TRAK2: variants seen among roughly 807,000 people sequenced by gnomAD.
TRAK2 encodes the protein trafficking kinesin protein 2, also known as trafficking kinesin-binding protein 2.
TRAK2 carries 81 observed loss-of-function variants against 104.6 expected under a neutral mutation model. That is an observed-to-expected ratio of 0.77 (90% CI 0.65 to 0.93). The LOEUF is 0.93. Ranked by LOEUF, TRAK2 falls within the 40% of genes least tolerant of loss-of-function variation. The pLI is 0.00. For missense variants in TRAK2, 1,002 were observed against 1,089.0 expected (o/e 0.92, Z 1.12); for synonymous variants, 406 against 394.4 (o/e 1.03, Z -0.35).
chr2:201,409,625 T>C (rs1195038823), intron 2 of TRAK2, among the ~76,000 whole-genome samples: 1 of 152,212 alleles, frequency 6.6e-6, no homozygotes, highest in Admixed American at 6.5e-5. Flanking sequence ...GCCAACGAAA[T>C]GTAGGTCAAG....
At chr2:201,412,065 G>T in intron 2 of TRAK2, 1 of 1,117,024 alleles carries the variant, frequency 9.0e-7, no homozygotes, top group Non-Finnish European at 1.4e-6. Context: ...ATTGGCTCCT[G>T]CTGCTTAAAC....
chr2:201,421,502 C>T (rs947603322), intron 1 of TRAK2, among the ~76,000 whole-genome samples: 2 of 152,172 alleles, frequency 1.3e-5, no homozygotes, highest in South Asian at 2.1e-4. Context: ...CCAGCAGAAT[C>T]GCTTCCCCAG....
At chr2:201,400,923 G>A (rs940223628) in intron 4 of TRAK2, 95 bp downstream of exon 4, 32 of 906,702 alleles carry the variant, frequency 3.5e-5, no homozygotes, top group Admixed American at 1.1e-4. Context: ...CCCAGAGCAC[G>A]TACAACATTT....
intron 1 of TRAK2, among the ~76,000 whole-genome samples, chr2:201,421,695 A>T (rs1308204101): frequency 3.3e-5 from 5 of 152,206 alleles, no homozygotes; most frequent in African/African-American, 1.2e-4. Context: ...CATTAGTTTT[A>T]TTATATTCTT....
chr2:201,420,302 C>G (rs1951728540), intron 2 of TRAK2, 115 bp downstream of exon 2: 2 of 796,596 alleles, frequency 2.5e-6, no homozygotes, highest in Admixed American at 4.3e-5. Flanking sequence ...CTGAGGACAT[C>G]AGACTAGAAA....
chr2:201,396,069 C>T (rs1055775354), intron 7 of TRAK2, among the ~76,000 whole-genome samples: 14 of 152,088 alleles, frequency 9.2e-5, no homozygotes, highest in African/African-American at 3.4e-4. Context: ...TTTAGAATTC[C>T]ACTAGGAATT....
At chr2:201,402,056 TAATA>T in intron 3 of TRAK2, among the ~76,000 whole-genome samples, 2 of 152,196 alleles carry the variant, frequency 1.3e-5, no homozygotes, top group Middle Eastern at 6.8e-3. Context: ...GAGATTCAGA[TAATA>T]AATATGGAGG....
intron 5 of TRAK2, among the ~76,000 whole-genome samples, chr2:201,398,978 T>C (rs1222925229): frequency 6.6e-6 from 1 of 152,110 alleles, no homozygotes; most frequent in Non-Finnish European, 1.5e-5. Flanking sequence ...ATAGAATAAA[T>C]ATATTTTCAA....
rs959678806 is a variant in TRAK2 at position 201,441,991 on chromosome 2, C to T, written c.-200+9359G>A. On this transcript the variant is annotated intron_variant, in intron 1 of 15. Transcript: ENST00000332624. ...ACAGGTGTGAGCCACTGTGCCCGGC[C>T]GATGGTGTGCTCTTTCTAAACCAAC... 1.6e-4 allele frequency among the ~76,000 whole-genome samples: 24 copies of T among 151,582 alleles called. 1 individual carries two copies. Among genetic ancestry groups the T allele is most frequent in the African/African-American group, 5.8e-4 (24 of 41,364 alleles).
chr2:201,444,195 T>C (rs1156591097), intron 1 of TRAK2, among the ~76,000 whole-genome samples: 2 of 151,812 alleles, frequency 1.3e-5, no homozygotes, highest in Non-Finnish European at 2.9e-5. Context: ...AGTGAGACTC[T>C]GTCTCAAAAA....
chr2:201,413,019 G>A (rs1216798169), intron 2 of TRAK2: 1 of 777,138 alleles, frequency 1.3e-6, no homozygotes, highest in Non-Finnish European at 2.4e-6. Flanking sequence ...AGAAGTCGAG[G>A]GTGTTGAAGT....
At chr2:201,394,096 T>C (rs1381137271) in intron 9 of TRAK2, among the ~76,000 whole-genome samples, 1 of 152,186 alleles carries the variant, frequency 6.6e-6, no homozygotes, top group African/African-American at 2.4e-5. Flanking sequence ...TTATATTTAA[T>C]AAATAAAATT....
At chr2:201,448,666 C>T (rs374966397) in intron 1 of TRAK2, among the ~76,000 whole-genome samples, 2 of 152,226 alleles carry the variant, frequency 1.3e-5, no homozygotes, top group South Asian at 4.1e-4. Context: ...TGTCTCATTC[C>T]TTATACTGGT....
chr2:201,397,695 C>T, intron 6 of TRAK2, 115 bp from the exon 7 acceptor site: 1 of 749,624 alleles, frequency 1.3e-6, no homozygotes, highest in South Asian at 1.8e-5. Context: ...AAGGAAAAAA[C>T]CCAACAACCT....
rs146422887 is a variant in TRAK2, at chr2:201,381,782, A to G, written c.2070-564T>C. On this transcript the variant is annotated intron_variant, in intron 15 of 15. Coordinates refer to ENST00000332624, the MANE Select transcript of TRAK2 (RefSeq NM_015049.3). ...TTTCATTGAGAAATAAAAACTTCTAATTGTTAAATTTCATTTTCTCAAGAA... is the reference window on the plus strand; with the variant it reads ...TTTCATTGAGAAATAAAAACTTCTAGTTGTTAAATTTCATTTTCTCAAGAA... Among the ~76,000 whole-genome samples, 899 of 152,314 alleles carry G rather than the reference A, an allele frequency of 5.9e-3. 2 individuals are homozygous for G. The highest frequency in any genetic ancestry group is 0.011 in the Non-Finnish European group (732 of 68,022).
intron 2 of TRAK2, among the ~76,000 whole-genome samples, chr2:201,416,640 A>C (rs937512609): frequency 6.6e-6 from 1 of 152,188 alleles, no homozygotes; most frequent in Non-Finnish European, 1.5e-5. Context: ...ATAATGTATT[A>C]TGTATATAAC....
rs189074414 is a variant in TRAK2 at position 201,415,501 on chromosome 2, A to C, written c.91+4916T>G. On this transcript the variant is annotated intron_variant, in intron 2 of 15. Coordinates refer to ENST00000332624, the MANE Select transcript of TRAK2 (RefSeq NM_015049.3). ...TAATATGCTCAAAGATTTAAGGGGAAAATATGAACGTAATGGAAAGAGAAA... is the reference window on the plus strand; with the variant it reads ...TAATATGCTCAAAGATTTAAGGGGACAATATGAACGTAATGGAAAGAGAAA... Among the ~76,000 whole-genome samples the C allele has an allele frequency of 2.2e-4, 33 of 152,328 alleles. 1 individual carries two copies. The highest frequency in any genetic ancestry group is 1.6e-4 in the Non-Finnish European group (11 of 68,032).
intron 12 of TRAK2, 73 bp downstream of exon 12, chr2:201,389,227 G>T: frequency 1.4e-6 from 2 of 1,384,042 alleles, no homozygotes; most frequent in East Asian, 4.6e-5. Context: ...AGTAATGCTG[G>T]AATGTGCGTA....
chr2:201,404,352 A>G (rs1951575146), intron 3 of TRAK2, among the ~76,000 whole-genome samples: 1 of 152,226 alleles, frequency 6.6e-6, no homozygotes, highest in African/African-American at 2.4e-5. Flanking sequence ...AGACTTCCCT[A>G]ACTCTCTAAA....
Sources: gnomAD v4.1 joint callset for allele counts (sites outside exome capture counted in the v4.1 genomes callset) on GRCh38, gnomAD v4.1.1 for gene constraint, MANE v1.5 for transcripts, NCBI Gene and HGNC (gene_info 2026-07-23, HGNC 2026-07-21) for gene names.